Variants in CNTNAP2 observed in about 807,000 individuals in gnomAD.
CNTNAP2 encodes contactin associated protein 2.
CNTNAP2 carries 98 observed loss-of-function variants against 155.2 expected under a neutral mutation model. The ratio of observed to expected loss-of-function variants is 0.63; its 90% confidence interval spans 0.54 to 0.75. The LOEUF is 0.75. CNTNAP2 is among the 30% of genes least tolerant of loss of function. The probability of loss-of-function intolerance (pLI) is 0.00; values close to 1 mark genes in which losing one functional copy is unlikely to be tolerated. For synonymous variants in CNTNAP2, 651 were observed against 631.2 expected (o/e 1.03, Z -0.47); for missense variants, 1,727 against 1,688.1 (o/e 1.02, Z -0.40).
At chr7:146,697,259 A>G (rs1177367441) in intron 1 of CNTNAP2, among the ~76,000 whole-genome samples, 3 of 150,182 alleles carry the variant, frequency 2.0e-5, no homozygotes, top group East Asian at 1.9e-4. Context: ...TTATTTTGAG[A>G]CAGGGTCTTG....
At chr7:147,546,509 A>G (rs975338230) in intron 11 of CNTNAP2, among the ~76,000 whole-genome samples, 3 of 152,182 alleles carry the variant, frequency 2.0e-5, no homozygotes, top group Non-Finnish European at 2.9e-5. Flanking sequence ...CATGCCCACA[A>G]CTAAGACCGT....
chr7:146,662,777 G>C (rs190687661), intron 1 of CNTNAP2, among the ~76,000 whole-genome samples: 40 of 152,194 alleles, frequency 2.6e-4, no homozygotes, highest in Admixed American at 4.6e-4. Flanking sequence ...AGTTGGTTGA[G>C]TCTTTTTCTG....
intron 1 of CNTNAP2, among the ~76,000 whole-genome samples, chr7:146,692,278 T>C (rs1339566420): frequency 6.6e-6 from 1 of 152,124 alleles, no homozygotes; most frequent in African/African-American, 2.4e-5. Flanking sequence ...ATTTAGGAAA[T>C]GCCGTTTGAT....
At chr7:147,977,520 CT>C (rs1801450129) in intron 14 of CNTNAP2, among the ~76,000 whole-genome samples, 1 of 152,194 alleles carries the variant, frequency 6.6e-6, no homozygotes, top group Admixed American at 6.5e-5. Context: ...TGTTGAACTT[CT>C]GATTCCATGA....
intron 3 of CNTNAP2, among the ~76,000 whole-genome samples, chr7:146,918,048 C>T (rs1796429526): frequency 6.6e-6 from 1 of 152,090 alleles, no homozygotes; most frequent in Admixed American, 6.6e-5. Flanking sequence ...TTTTTCCACC[C>T]CTTTACCTTA....
chr7:147,928,824 C>T (rs911350796), intron 14 of CNTNAP2, among the ~76,000 whole-genome samples: 1 of 152,058 alleles, frequency 6.6e-6, no homozygotes, highest in Non-Finnish European at 1.5e-5. Context: ...GGTGCGGTGG[C>T]TCACGCCTGT....
At chr7:148,158,725 T>C (rs1248339994) in intron 17 of CNTNAP2, among the ~76,000 whole-genome samples, 1 of 152,242 alleles carries the variant, frequency 6.6e-6, no homozygotes, top group Non-Finnish European at 1.5e-5. Flanking sequence ...AACTCTGGTC[T>C]TTCTTCCAAC....
intron 8 of CNTNAP2, among the ~76,000 whole-genome samples, chr7:147,151,611 C>A (rs1584758402): frequency 6.6e-6 from 1 of 151,910 alleles, no homozygotes; most frequent in Admixed American, 6.6e-5. Flanking sequence ...TCACTTTCAC[C>A]TGTGTAAACA....
chr7:147,923,698 A>T lies in CNTNAP2; in HGVS notation c.2255+19977A>T, dbSNP rs77125990. Among the ~76,000 whole-genome samples, 300 of 137,782 alleles carry T rather than the reference A, an allele frequency of 2.2e-3. 1 individual carries two copies. The highest frequency in any genetic ancestry group is 7.8e-3 in the African/African-American group (289 of 37,030). The allele number at this position is 137,782 out of a possible 152,430, so 90.4% of individuals were successfully genotyped here. On this transcript the variant is annotated intron_variant, in intron 14 of 23. Coordinates refer to ENST00000361727, the MANE Select transcript of CNTNAP2 (RefSeq NM_014141.6). ...CCAGCTAATTAAAAAAAAAAAAAAAATTTCTAGAGATTTTCCTTTGTAGGA... is the reference window on the plus strand; with the variant it reads ...CCAGCTAATTAAAAAAAAAAAAAAATTTTCTAGAGATTTTCCTTTGTAGGA...
chr7:148,411,333 T>A (rs570045304), intron 23 of CNTNAP2, among the ~76,000 whole-genome samples: 1 of 152,352 alleles, frequency 6.6e-6, no homozygotes, highest in African/African-American at 2.4e-5. Context: ...TGGCGTGATC[T>A]CAGTTCACTG....
chr7:147,273,606 A>G (rs545748618), intron 8 of CNTNAP2, among the ~76,000 whole-genome samples: 1 of 151,938 alleles, frequency 6.6e-6, no homozygotes, highest in South Asian at 2.1e-4. Context: ...TAAGAACATG[A>G]AGTATTTGAT....
intron 3 of CNTNAP2, among the ~76,000 whole-genome samples, chr7:146,923,988 C>A (rs1796555888): frequency 1.3e-5 from 2 of 152,110 alleles, no homozygotes; most frequent in African/African-American, 4.8e-5. Context: ...CATTTAAGAA[C>A]TGCTTTCATA....
intron 1 of CNTNAP2, among the ~76,000 whole-genome samples, chr7:146,326,803 A>T (rs1472250752): frequency 6.6e-6 from 1 of 152,214 alleles, no homozygotes; most frequent in Non-Finnish European, 1.5e-5. Flanking sequence ...AAACAGCTTG[A>T]TCTAAAATTT....
intron 21 of CNTNAP2, among the ~76,000 whole-genome samples, chr7:148,310,859 G>A (rs976937816): frequency 6.6e-6 from 1 of 152,160 alleles, no homozygotes; most frequent in Non-Finnish European, 1.5e-5. Flanking sequence ...CTGCGTAGAG[G>A]GGGAGGTTCG....
At chr7:146,745,877 C>T (rs1563213984) in intron 1 of CNTNAP2, among the ~76,000 whole-genome samples, 1 of 152,094 alleles carries the variant, frequency 6.6e-6, no homozygotes, top group Non-Finnish European at 1.5e-5. Flanking sequence ...TGCCTTCTGC[C>T]ACCCACTAAA....
At chr7:146,963,997 C>G (rs557354193) in intron 3 of CNTNAP2, among the ~76,000 whole-genome samples, 1 of 151,942 alleles carries the variant, frequency 6.6e-6, no homozygotes, top group African/African-American at 2.4e-5. Flanking sequence ...TTAGAAAACT[C>G]TGAGGAAGAG....
At chr7:146,496,900 C>T (rs73741718) in intron 1 of CNTNAP2, among the ~76,000 whole-genome samples, 3,522 of 152,250 alleles carry the variant, frequency 0.023, 104 homozygotes, top group African/African-American at 0.077. Context: ...AATGTGTTCT[C>T]AGTTCTTGAG....
chr7:146,412,923 T>A (rs1795886965), intron 1 of CNTNAP2, among the ~76,000 whole-genome samples: 1 of 152,154 alleles, frequency 6.6e-6, no homozygotes, highest in Non-Finnish European at 1.5e-5. Context: ...ATGGATACAT[T>A]TTTTTATACC....
chr7:147,514,559 T>A (rs1180773704), intron 11 of CNTNAP2, among the ~76,000 whole-genome samples: 1 of 151,430 alleles, frequency 6.6e-6, no homozygotes, highest in Non-Finnish European at 1.5e-5. Context: ...TGAAGTTTAA[T>A]GGACTGTTTA....
Sources: gnomAD v4.1 joint callset for allele counts (sites outside exome capture counted in the v4.1 genomes callset) on GRCh38, gnomAD v4.1.1 for gene constraint, MANE v1.5 for transcripts, NCBI Gene and HGNC (gene_info 2026-07-23, HGNC 2026-07-21) for gene names.